Variants in CBY1 observed in about 807,000 individuals in gnomAD.
CBY1 encodes the protein protein chibby homolog 1.
Under a neutral mutation model 15.6 loss-of-function variants are expected in CBY1, and 10 were observed. That is an observed-to-expected ratio of 0.64 (90% CI 0.40 to 1.09). CBY1 has a LOEUF of 1.09. Ranked by LOEUF, CBY1 falls within the 50% of genes least tolerant of loss-of-function variation. CBY1 has a pLI of 0.01. For synonymous variants in CBY1, 61 were observed against 63.5 expected, an observed-to-expected ratio of 0.96 and a Z score of 0.19; for missense variants, 150 against 160.5, an observed-to-expected ratio of 0.93 and a Z score of 0.35.
intron 1 of CBY1, among the ~76,000 whole-genome samples, chr22:38,661,746 T>C (rs2145779412): frequency 6.6e-6 from 1 of 152,290 alleles, no homozygotes. Context: ...TTAATGATAA[T>C]GGATATAAAA....
intron 4 of CBY1, 43 bp from the exon 5 acceptor site, chr22:38,673,116 C>T: frequency 7.0e-7 from 1 of 1,433,726 alleles, no homozygotes; most frequent in South Asian, 1.2e-5. Flanking sequence ...GAAACATTTC[C>T]TAGAAATGTG....
chr22:38,659,814 A>T (rs1472078217), intron 1 of CBY1, among the ~76,000 whole-genome samples: 2 of 147,936 alleles, frequency 1.4e-5, no homozygotes, highest in African/African-American at 5.0e-5. Context: ...GTGAGCCGAC[A>T]TCGCACCACT....
At chr22:38,662,173 G>A (rs990271299) in intron 1 of CBY1, among the ~76,000 whole-genome samples, 1 of 151,842 alleles carries the variant, frequency 6.6e-6, no homozygotes, top group African/African-American at 2.4e-5. Context: ...CTAGTGGCGC[G>A]TGCCTGTGAT....
chr22:38,672,160 G>T (rs1024237606), intron 4 of CBY1, among the ~76,000 whole-genome samples: 5 of 151,376 alleles, frequency 3.3e-5, no homozygotes, highest in African/African-American at 1.2e-4. Context: ...TACTCAGGAG[G>T]CTGAGGCAGG....
At position 38,670,930 on chromosome 22, in the gene CBY1, C is replaced by A. The variant is rs777863103; in HGVS notation, c.125C>A (p.Ser42Tyr). 1.9e-6 allele frequency: 3 copies of A among 1,614,048 alleles called. No homozygotes were observed. Among genetic ancestry groups the A allele is most frequent in the Non-Finnish European group, 2.5e-6 (3 of 1,180,036 alleles). ...REVELGLEYGSPTMNLAGQSL... is the reference protein window; with the variant it reads ...REVELGLEYGYPTMNLAGQSL... ...GTGGAGCTGGGCTTGGAATACGGAT[C>A]CCCGACTATGAACCTGGCAGGGCAA... Residue 42 changes from serine to tyrosine, a missense_variant, in exon 3 of 5, where the codon TCC (serine) becomes TAC (tyrosine). Physicochemically the swap from Ser to Tyr is moderately radical, Grantham distance 144. Coordinates refer to ENST00000216029, the MANE Select transcript of CBY1 (RefSeq NM_015373.4).
intron 1 of CBY1, among the ~76,000 whole-genome samples, chr22:38,657,762 C>T (rs1190820140): frequency 6.6e-6 from 1 of 152,134 alleles, no homozygotes; most frequent in African/African-American, 2.4e-5. Flanking sequence ...GAGAGCCAGG[C>T]CCCTAAACTT....
chr22:38,668,376 T>A, intron 2 of CBY1: 1 of 384,088 alleles, frequency 2.6e-6, no homozygotes, highest in Non-Finnish European at 4.7e-6. Flanking sequence ...CCAAATTTTT[T>A]TTTTCTTTTT....
intron 1 of CBY1, among the ~76,000 whole-genome samples, chr22:38,660,923 C>T (rs943231875): frequency 3.9e-5 from 6 of 152,074 alleles, no homozygotes; most frequent in Admixed American, 2.0e-4. Flanking sequence ...AGATTACAGA[C>T]ATAAGATTAA....
chr22:38,668,054 G>A lies in CBY1; in HGVS notation c.-1G>A, dbSNP rs1420196557. On this transcript the variant is annotated 5_prime_UTR_variant, in exon 2 of 5. Coordinates refer to ENST00000216029, the MANE Select transcript of CBY1 (RefSeq NM_015373.4). The stretch of plus-strand genomic sequence containing the variant: ...CTGGCTTTGCTTTCATCAGGCCAAA[G>A]ATGCCTTTCTTTGGGAATACGTTCA... The A allele has an allele frequency of 1.2e-6, 2 of 1,613,970 alleles. No individual in the cohort carries two copies. The highest frequency in any genetic ancestry group is 3.3e-5 in the Admixed American group (2 of 59,984).
At chr22:38,658,112 CTCTTTCTTTCTTT>C in intron 1 of CBY1, among the ~76,000 whole-genome samples, 1 of 151,808 alleles carries the variant, frequency 6.6e-6, no homozygotes, top group Non-Finnish European at 1.5e-5. Context: ...CCTTCCAGAT[CTCTTTCTTTCTTT>C]TCTATTTTTT....
intron 2 of CBY1, 178 bp from the exon 3 acceptor site, chr22:38,670,706 C>T: frequency 1.7e-6 from 1 of 580,628 alleles, no homozygotes; most frequent in East Asian, 2.9e-5. Context: ...TATTTTTTAT[C>T]TCACAATTAA....
intron 1 of CBY1, among the ~76,000 whole-genome samples, chr22:38,658,341 G>A (rs1323895770): frequency 6.6e-6 from 1 of 152,106 alleles, no homozygotes; most frequent in Non-Finnish European, 1.5e-5. Flanking sequence ...GGCCAGGATA[G>A]TCTCGATCTC....
At chr22:38,670,616 CAAGT>C (rs2092449718) in intron 2 of CBY1, 1 of 357,126 alleles carries the variant, frequency 2.8e-6, no homozygotes, top group Non-Finnish European at 5.2e-6. Flanking sequence ...TATTAAGTGT[CAAGT>C]AGGTATAAAA....
rs191414072 is a variant in CBY1 at position 38,670,405 on chromosome 22, A to G, written c.79-479A>G. ...GCGAAACTCCGTCTCAAAAAAAAAA[A>G]AAAAGAAAAGAAAAGAATAGAATAT... On this transcript the variant is annotated intron_variant, in intron 2 of 4. Transcript: ENST00000216029. The G allele has an allele frequency of 6.3e-3, 973 of 153,436 alleles. 7 individuals carry two copies. Among genetic ancestry groups the G allele is most frequent in the African/African-American group, 8.8e-3 (364 of 41,540 alleles). 9.5% of individuals were successfully genotyped at this position (153,436 alleles called of 1,614,324 possible). A position where few individuals can be genotyped will look rare whatever the true frequency, so the allele number is the denominator to read the frequency against.
At chr22:38,665,713 C>CT (rs1189647099) in intron 1 of CBY1, 4 of 1,229,860 alleles carry the variant, frequency 3.3e-6, no homozygotes, top group Middle Eastern at 3.1e-4. Flanking sequence ...CTGAAATGCT[C>CT]TGTATCCCAA....
chr22:38,663,454 G>C (rs1344236951), intron 1 of CBY1, among the ~76,000 whole-genome samples: 1 of 151,828 alleles, frequency 6.6e-6, no homozygotes, highest in African/African-American at 2.4e-5. Flanking sequence ...CCAGCACTTT[G>C]GGAGGCTGAG....
intron 1 of CBY1, among the ~76,000 whole-genome samples, chr22:38,663,751 G>C (rs1029409970): frequency 6.4e-4 from 96 of 150,960 alleles, no homozygotes; most frequent in Non-Finnish European, 1.1e-3. Context: ...GTCGGGCGCA[G>C]TGGCTCATGA....
At chr22:38,658,600 A>G (rs754304941) in intron 1 of CBY1, among the ~76,000 whole-genome samples, 1 of 151,896 alleles carries the variant, frequency 6.6e-6, no homozygotes, top group African/African-American at 2.4e-5. Context: ...AGCTGGGACT[A>G]CGAATAGATG....
chr22:38,673,268 TGTGGCTGA>T lies in CBY1; in HGVS notation c.*36_*43del, dbSNP rs768657685. The stretch of plus-strand genomic sequence containing the variant: ...CAGAGACATTTATTGGGGAGTAGGA[TGTGGCTGA>T]GTGCTTTTTTTTTGGCCAGACTAGC... On this transcript the variant is annotated 3_prime_UTR_variant, in exon 5 of 5. Coordinates refer to ENST00000216029, the MANE Select transcript of CBY1 (RefSeq NM_015373.4). The T allele has an allele frequency of 1.6e-5, 23 of 1,449,608 alleles. No individual in the cohort carries two copies. Among genetic ancestry groups the T allele is most frequent in the Non-Finnish European group, 2.2e-5 (23 of 1,031,318 alleles). 89.8% of individuals were successfully genotyped at this position (1,449,608 alleles called of 1,614,324 possible).
Sources: gnomAD v4.1 joint callset for allele counts (sites outside exome capture counted in the v4.1 genomes callset) on GRCh38, gnomAD v4.1.1 for gene constraint, MANE v1.5 for transcripts, NCBI Gene and HGNC (gene_info 2026-07-23, HGNC 2026-07-21) for gene names.